PAPPA2: variants seen among roughly 807,000 people sequenced by gnomAD.
The protein encoded by PAPPA2 is pappalysin 2, also known as pappalysin-2.
PAPPA2 carries 86 observed loss-of-function variants against 176.4 expected under a neutral mutation model. That is an observed-to-expected ratio of 0.49 (90% CI 0.41 to 0.58). The LOEUF (loss-of-function observed/expected upper bound fraction) is 0.58. Ranked by LOEUF, PAPPA2 falls within the 20% of genes least tolerant of loss-of-function variation. PAPPA2 has a pLI of 0.00. For synonymous variants in PAPPA2, 809 were observed against 852.2 expected (o/e 0.95, Z 0.88); for missense variants, 2,073 against 2,256.9 (o/e 0.92, Z 1.65).
At position 176,843,561 on chromosome 1, in the gene PAPPA2, C is replaced by T. The variant is rs1449827388; in HGVS notation, c.*1107C>T. ...CAGGATTACAGGAACTCACACACTC[C>T]TCATACTTGGCCTGTAGTCCTACTT... On this transcript the variant is annotated 3_prime_UTR_variant, in exon 23 of 23. Transcript: ENST00000367662. 1.3e-5 allele frequency: 2 copies of T among 152,152 alleles called. No homozygotes were observed. Among genetic ancestry groups the T allele is most frequent in the Non-Finnish European group, 2.9e-5 (2 of 68,042 alleles). The allele number at this position is 152,152 out of a possible 1,614,324, so 9.4% of individuals were successfully genotyped here.
intron 20 of PAPPA2, 148 bp downstream of exon 20, chr1:176,793,817 A>C: frequency 5.1e-6 from 3 of 592,258 alleles, no homozygotes; most frequent in Non-Finnish European, 8.4e-6. Context: ...AGGATTAAAC[A>C]TTGAAAAGAA....
chr1:176,715,424 G>C (rs776332669), intron 12 of PAPPA2, among the ~76,000 whole-genome samples: 71 of 152,290 alleles, frequency 4.7e-4, no homozygotes, highest in Non-Finnish European at 9.4e-4. Context: ...CACTGGAGCA[G>C]GGGAGAAATA....
intron 1 of PAPPA2, among the ~76,000 whole-genome samples, chr1:176,524,125 A>G (rs1649346310): frequency 6.6e-6 from 1 of 152,174 alleles, no homozygotes; most frequent in Admixed American, 6.5e-5. Flanking sequence ...GCACTCTTGC[A>G]TTTCTTTGCA....
At chr1:176,543,259 T>C (rs2235659) in intron 1 of PAPPA2, among the ~76,000 whole-genome samples, 21,712 of 152,134 alleles carry the variant, frequency 0.14, 1,755 homozygotes, top group African/African-American at 0.2. Flanking sequence ...TGTGTGTCAA[T>C]GGAAAGTGCT....
chr1:176,737,232 A>G (rs1227736578), intron 12 of PAPPA2, among the ~76,000 whole-genome samples: 2 of 152,108 alleles, frequency 1.3e-5, no homozygotes, highest in Non-Finnish European at 2.9e-5. Flanking sequence ...CTCAGAGAAG[A>G]GAGATATATT....
At chr1:176,810,664 G>A (rs927403583) in intron 21 of PAPPA2, among the ~76,000 whole-genome samples, 1 of 152,176 alleles carries the variant, frequency 6.6e-6, no homozygotes, top group African/African-American at 2.4e-5. Context: ...TAGGGCAATA[G>A]TGTGGTTCTG....
intron 14 of PAPPA2, among the ~76,000 whole-genome samples, chr1:176,742,637 G>T (rs1662738567): frequency 6.6e-6 from 1 of 152,140 alleles, no homozygotes; most frequent in African/African-American, 2.4e-5. Context: ...TATACCGGGA[G>T]CCTGGTAAAT....
chr1:176,729,717 T>G (rs1260415192), intron 12 of PAPPA2, among the ~76,000 whole-genome samples: 1 of 152,050 alleles, frequency 6.6e-6, no homozygotes, highest in Non-Finnish European at 1.5e-5. Context: ...GGCCAAGAAG[T>G]CATTATTAAA....
intron 1 of PAPPA2, among the ~76,000 whole-genome samples, chr1:176,470,917 A>G (rs1490156386): frequency 6.6e-6 from 1 of 151,934 alleles, no homozygotes; most frequent in Non-Finnish European, 1.5e-5. Flanking sequence ...AGCTGGCCCC[A>G]TGCTTTAGTT....
intron 21 of PAPPA2, among the ~76,000 whole-genome samples, chr1:176,839,427 C>T (rs1667397855): frequency 6.6e-6 from 1 of 152,188 alleles, no homozygotes; most frequent in Admixed American, 6.5e-5. Context: ...TGATTTACTG[C>T]AGTAGCAGTG....
intron 19 of PAPPA2, 53 bp from the exon 20 acceptor site, chr1:176,793,507 A>T: frequency 2.1e-6 from 3 of 1,449,424 alleles, no homozygotes; most frequent in Non-Finnish European, 2.9e-6. Context: ...CTGAAAGAAA[A>T]AGAATGAGAT....
At chr1:176,538,720 C>T (rs1490727236) in intron 1 of PAPPA2, among the ~76,000 whole-genome samples, 1 of 151,886 alleles carries the variant, frequency 6.6e-6, no homozygotes, top group Non-Finnish European at 1.5e-5. Context: ...AGGCAATCTC[C>T]TTTAAAAGTT....
At chr1:176,565,136 A>G (rs1651889869) in intron 2 of PAPPA2, among the ~76,000 whole-genome samples, 1 of 152,182 alleles carries the variant, frequency 6.6e-6, no homozygotes, top group East Asian at 1.9e-4. Context: ...GTTAAGTAAT[A>G]TCCCATGCAT....
intron 3 of PAPPA2, among the ~76,000 whole-genome samples, chr1:176,607,696 T>C (rs1234360869): frequency 6.6e-6 from 1 of 152,184 alleles, no homozygotes; most frequent in Non-Finnish European, 1.5e-5. Context: ...TCTCTTCAGT[T>C]TTTCCATATC....
chr1:176,499,645 G>T (rs1225048051), intron 1 of PAPPA2, among the ~76,000 whole-genome samples: 1 of 152,100 alleles, frequency 6.6e-6, no homozygotes, highest in Non-Finnish European at 1.5e-5. Flanking sequence ...TGAACAGCTC[G>T]ATCTACCAGC....
chr1:176,823,051 C>A (rs1193687770), intron 21 of PAPPA2, among the ~76,000 whole-genome samples: 1 of 152,202 alleles, frequency 6.6e-6, no homozygotes, highest in Non-Finnish European at 1.5e-5. Context: ...AATATAATTT[C>A]TCTTTCAAGT....
intron 2 of PAPPA2, among the ~76,000 whole-genome samples, chr1:176,584,319 T>C (rs573029027): frequency 3.9e-5 from 6 of 152,180 alleles, no homozygotes; most frequent in Non-Finnish European, 8.8e-5. Flanking sequence ...CTGGGTGCTC[T>C]TGTATTGGGT....
chr1:176,507,037 C>T (rs1384485231), intron 1 of PAPPA2, among the ~76,000 whole-genome samples: 1 of 151,918 alleles, frequency 6.6e-6, no homozygotes, highest in Non-Finnish European at 1.5e-5. Context: ...GCAAACTATG[C>T]ATCCAACAAA....
chr1:176,670,877 G>A (rs1658953810), intron 3 of PAPPA2, 93 bp from the exon 4 acceptor site: 3 of 1,498,164 alleles, frequency 2.0e-6, no homozygotes, highest in African/African-American at 1.4e-5. Context: ...ATGCTGGCTG[G>A]GAGTGCCATT....
Sources: gnomAD v4.1 joint callset for allele counts (sites outside exome capture counted in the v4.1 genomes callset) on GRCh38, gnomAD v4.1.1 for gene constraint, MANE v1.5 for transcripts, NCBI Gene and HGNC (gene_info 2026-07-23, HGNC 2026-07-21) for gene names.